Variants in RABGEF1 observed in about 807,000 individuals in gnomAD.
RABGEF1 encodes the protein RAB guanine nucleotide exchange factor 1, also known as rab5 GDP/GTP exchange factor.
RABGEF1 carries 26 observed loss-of-function variants against 57.3 expected under a neutral mutation model. The ratio of observed to expected loss-of-function variants is 0.45; its 90% CI spans 0.33 to 0.63. The LOEUF (loss-of-function observed/expected upper bound fraction) is 0.63. RABGEF1 is among the 20% of genes least tolerant of loss of function. RABGEF1 has a pLI of 0.02. For missense variants in RABGEF1, 464 were observed against 607.6 expected, an observed-to-expected ratio of 0.76 and a Z score of 2.48; for synonymous variants, 185 against 210.7, an observed-to-expected ratio of 0.88 and a Z score of 1.06.
intron 4 of RABGEF1, among the ~76,000 whole-genome samples, chr7:66,793,981 T>C (rs1336561360): frequency 6.6e-6 from 1 of 152,208 alleles, no homozygotes; most frequent in Non-Finnish European, 1.5e-5. Flanking sequence ...ATGAGAACCG[T>C]TGGGAGAAAT....
In RABGEF1 at chr7:66,752,219, C is replaced by T. The variant is rs189014246; in HGVS notation, c.-18+11427C>T. 1.5e-3 allele frequency among the ~76,000 whole-genome samples: 225 copies of T among 151,510 alleles called. 1 individual carries two copies. The highest frequency in any genetic ancestry group is 3.6e-3 in the South Asian group (17 of 4,784). ...TTAAAAAAAAAAAGTCTTGGCTGGG[C>T]GAGGTGGCTCACGCCTGTAATCTCA... On this transcript the variant is annotated intron_variant, in intron 1 of 8. Transcript: ENST00000284957.
intron 4 of RABGEF1, among the ~76,000 whole-genome samples, chr7:66,791,842 G>A (rs988680137): frequency 6.6e-6 from 1 of 152,096 alleles, no homozygotes; most frequent in Non-Finnish European, 1.5e-5. Flanking sequence ...TGCCAGGTGC[G>A]GTGGCTCACG....
At position 66,810,165 on chromosome 7, in the gene RABGEF1, C is replaced by A. The variant is rs1218288451; in HGVS notation, c.*881C>A. Reference sequence around the variant, plus strand: ...CTCTGATGGTGAGAGGTGACGGGGTCCCTCAGCTGTGAGATGCAAGGGGCG... The same window carrying A: ...CTCTGATGGTGAGAGGTGACGGGGTACCTCAGCTGTGAGATGCAAGGGGCG... On this transcript the variant is annotated 3_prime_UTR_variant, in exon 9 of 9. Transcript: ENST00000284957. 6.6e-6 allele frequency: 1 copy of A among 152,116 alleles called. No homozygotes were observed. Among genetic ancestry groups the A allele is most frequent in the Non-Finnish European group, 1.5e-5 (1 of 68,014 alleles). 9.4% of individuals were successfully genotyped at this position (152,116 alleles called of 1,614,324 possible). A position where few individuals can be genotyped will look rare whatever the true frequency, so the allele number is the denominator to read the frequency against.
Position 66,684,665 on chromosome 7 carries a change from C to T in RABGEF1, c.-873+2407C>T, listed in dbSNP as rs375080105. Among the ~76,000 whole-genome samples, 18 of 152,242 alleles carry T rather than the reference C, an allele frequency of 1.2e-4. No individual in the cohort carries two copies. In the East Asian group the frequency reaches 2.1e-3, roughly 18 times the overall value. ...TTTGTTTGTTTTTGATACTGAGTCTCACTCTGTCAGCCAGGCTGGAGTGCA... is the reference window on the plus strand; with the variant it reads ...TTTGTTTGTTTTTGATACTGAGTCTTACTCTGTCAGCCAGGCTGGAGTGCA... On this transcript the variant is annotated intron_variant and NMD_transcript_variant, in intron 1 of 9. Coordinates refer to the RABGEF1 transcript ENST00000607882.
chr7:66,668,755 C>A, the RABGEF1 span: 1 of 152,294 alleles, frequency 6.6e-6, no homozygotes, highest in Non-Finnish European at 1.5e-5. Flanking sequence ...CCACTTTCTT[C>A]CCTGGAAGAT....
At chr7:66,802,365 C>A (rs1185335592) in intron 7 of RABGEF1, among the ~76,000 whole-genome samples, 2 of 152,204 alleles carry the variant, frequency 1.3e-5, no homozygotes, top group Non-Finnish European at 2.9e-5. Context: ...CCTGGAGGTA[C>A]AGCCTTTGTT....
Position 66,809,267 on chromosome 7 carries a change from C to G in RABGEF1, c.1459C>G (p.Gln487Glu). 6.2e-7 allele frequency: 1 copy of G among 1,608,530 alleles called. No individual in the cohort carries two copies. Among genetic ancestry groups the G allele is most frequent in the Non-Finnish European group, 8.5e-7 (1 of 1,176,216 alleles). The change falls in exon 9 of 9, where the codon CAA (glutamine) becomes GAA (glutamate). Residue 487 changes from glutamine (Q) to glutamate (E), a missense_variant. By Grantham distance (29) the Gln-to-Glu change is conservative. Around this residue, in one of 4 missense-constraint regions of RABGEF1, gnomAD observed 151 missense variants for 152.2 expected, o/e 0.99. Transcript: ENST00000284957. ...NDKLPPPLQP[Q>E]VYAG ...TAAACTTCCTCCACCACTGCAACCT[C>G]AAGTTTATGCAGGATGATCACAATT... is the stretch of plus-strand genomic sequence containing the variant.
chr7:66,707,421 G>A (rs1446289930), intron 1 of RABGEF1, among the ~76,000 whole-genome samples: 2 of 152,096 alleles, frequency 1.3e-5, no homozygotes. Flanking sequence ...GGCCAGGCAT[G>A]ATGGCTCACA....
rs1287288948 is a variant in RABGEF1 at position 66,766,323 on chromosome 7, AGCTTAGT to A, written c.-17-5551_-17-5545del. Among the ~76,000 whole-genome samples, 22 of 151,764 alleles carry A rather than the reference AGCTTAGT, an allele frequency of 1.4e-4. 1 individual carries two copies. The South Asian group carries it at 4.6e-3, about 32-fold the overall frequency. On this transcript the variant is annotated intron_variant, in intron 1 of 8. Transcript: ENST00000284957. ...GTCTTCCAAAAAAAAAAAAAAAGGA[AGCTTAGT>A]GCTTAGTGATGTCTCTGCCACTTAC...
chr7:66,689,778 G>C (rs1161593255), intron 1 of RABGEF1, among the ~76,000 whole-genome samples: 1 of 151,818 alleles, frequency 6.6e-6, no homozygotes, highest in Admixed American at 6.6e-5. Flanking sequence ...CTCCAGCCTG[G>C]GGGATGAGAG....
chr7:66,721,075 C>T (rs1470729080), intron 2 of RABGEF1, among the ~76,000 whole-genome samples: 4 of 152,046 alleles, frequency 2.6e-5, no homozygotes, highest in Non-Finnish European at 4.4e-5. Flanking sequence ...CACGTCACCA[C>T]GCCCGGCTAA....
At chr7:66,765,264 T>C (rs1805414160) in intron 1 of RABGEF1, among the ~76,000 whole-genome samples, 1 of 151,802 alleles carries the variant, frequency 6.6e-6, no homozygotes, top group Non-Finnish European at 1.5e-5. Context: ...GGGGTTGGAG[T>C]GCAGATAGGA....
At chr7:66,787,189 G>C (rs1357519725) in intron 4 of RABGEF1, among the ~76,000 whole-genome samples, 1 of 150,906 alleles carries the variant, frequency 6.6e-6, no homozygotes, top group Non-Finnish European at 1.5e-5. Flanking sequence ...ACCATGCCCA[G>C]ATAATTTTTA....
the RABGEF1 span, among the ~76,000 whole-genome samples, chr7:66,659,740 C>G: frequency 1.3e-5 from 2 of 151,376 alleles, no homozygotes; most frequent in South Asian, 2.1e-4. Flanking sequence ...GATTGCACCA[C>G]TGCATACCAG....
the RABGEF1 span, among the ~76,000 whole-genome samples, chr7:66,662,073 T>C: frequency 1.3e-5 from 2 of 151,854 alleles, no homozygotes; most frequent in African/African-American, 4.8e-5. Context: ...CCGTCTCTAC[T>C]AAAAAGTATA....
chr7:66,662,891 G>A, the RABGEF1 span, among the ~76,000 whole-genome samples: 2 of 150,908 alleles, frequency 1.3e-5, no homozygotes, highest in Non-Finnish European at 3.0e-5. Context: ...GCATGTGTGT[G>A]CAGGTGTGCA....
chr7:66,746,280 G>A (rs1225576821), intron 1 of RABGEF1, among the ~76,000 whole-genome samples: 1 of 151,796 alleles, frequency 6.6e-6, no homozygotes, highest in Non-Finnish European at 1.5e-5. Context: ...CAGTGGGATA[G>A]GAAGTGTGAT....
At chr7:66,701,684 T>C (rs992756629) in intron 1 of RABGEF1, among the ~76,000 whole-genome samples, 1 of 151,966 alleles carries the variant, frequency 6.6e-6, no homozygotes, top group African/African-American at 2.4e-5. Context: ...AATTTTTGTA[T>C]TTTTAGTAAA....
intron 2 of RABGEF1, among the ~76,000 whole-genome samples, chr7:66,721,079 C>T (rs1297225544): frequency 2.0e-4 from 31 of 152,128 alleles, no homozygotes; most frequent in African/African-American, 4.8e-4. Flanking sequence ...TCACCACGCC[C>T]GGCTAATTTT....
Sources: allele counts gnomAD v4.1 joint callset (sites outside exome capture counted in the v4.1 genomes callset), GRCh38; gene constraint gnomAD v4.1.1; regional missense constraint gnomAD v4.1.1; transcripts MANE v1.5; gene names NCBI Gene and HGNC (gene_info 2026-07-23, HGNC 2026-07-21).